ESRRB: variants seen among roughly 807,000 people sequenced by gnomAD.
ESRRB encodes estrogen related receptor beta.
ESRRB carries 16 observed loss-of-function variants against 46.0 expected under a neutral mutation model. That is an observed-to-expected ratio of 0.35 (90% CI 0.24 to 0.53). The LOEUF is 0.53. ESRRB is among the 20% of genes least tolerant of loss of function. ESRRB has a pLI of 0.93. For synonymous variants in ESRRB, 246 were observed against 259.6 expected (o/e 0.95, Z 0.50); for missense variants, 488 against 607.4 (o/e 0.80, Z 2.07).
At chr14:76,324,548 C>T (rs985789879) in intron 1 of ESRRB, among the ~76,000 whole-genome samples, 3 of 152,274 alleles carry the variant, frequency 2.0e-5, no homozygotes, top group Admixed American at 1.3e-4. Flanking sequence ...CATGAGCTTC[C>T]ATCTCTCTCC....
intron 3 of ESRRB, among the ~76,000 whole-genome samples, chr14:76,472,464 T>C (rs918908802): frequency 2.6e-5 from 4 of 152,214 alleles, no homozygotes; most frequent in Non-Finnish European, 4.4e-5. Flanking sequence ...GTCATGTATG[T>C]CTGTTTAGCT....
At chr14:76,495,569 T>G in intron 6 of ESRRB, 1 of 142,926 alleles carries the variant, frequency 7.0e-6, no homozygotes, top group African/African-American at 2.6e-5. Context: ...TTTTAAGTAA[T>G]GGTTTTCCAG....
rs931728130 is a variant in ESRRB at position 76,471,693 on chromosome 14, C to T, written c.577+9032C>T. ...TCTCAGAAAGGCCTCCCTATCCACT[C>T]TATTACTTGCTGTCATATCCCCTTG... On this transcript the variant is annotated intron_variant, in intron 3 of 6. Coordinates refer to ENST00000644823, the MANE Select transcript of ESRRB (RefSeq NM_001379180.1). Among the ~76,000 whole-genome samples, 4 of 152,236 alleles carry T rather than the reference C, an allele frequency of 2.6e-5. No individual in the cohort carries two copies. In the East Asian group the frequency reaches 7.7e-4, roughly 29 times the overall value.
intron 1 of ESRRB, among the ~76,000 whole-genome samples, chr14:76,383,099 G>C (rs1885078176): frequency 6.6e-6 from 1 of 152,070 alleles, no homozygotes; most frequent in Admixed American, 6.6e-5. Context: ...CCAATTATAG[G>C]GGCAGTCAGC....
At chr14:76,477,984 TG>T (rs1350977194) in intron 3 of ESRRB, among the ~76,000 whole-genome samples, 2 of 152,356 alleles carry the variant, frequency 1.3e-5, no homozygotes, top group East Asian at 3.8e-4. Flanking sequence ...TATATTTTTG[TG>T]GGTTAAGTAG....
intron 1 of ESRRB, among the ~76,000 whole-genome samples, chr14:76,354,219 TA>T (rs1295404584): frequency 3.7e-4 from 21 of 56,020 alleles, no homozygotes; most frequent in African/African-American, 2.3e-3. Context: ...CAGGGTCCTC[TA>T]CCCGCCCCCC....
intron 2 of ESRRB, among the ~76,000 whole-genome samples, chr14:76,447,555 G>A (rs1222371011): frequency 6.6e-6 from 1 of 151,892 alleles, no homozygotes. Flanking sequence ...TTTCCACTTG[G>A]ATGCCCCAGA....
intron 6 of ESRRB, among the ~76,000 whole-genome samples, chr14:76,497,334 T>C (rs1219517123): frequency 1.3e-5 from 2 of 152,096 alleles, no homozygotes; most frequent in Non-Finnish European, 2.9e-5. Context: ...CTACCTGACA[T>C]TGACCAGGTG....
Position 76,462,529 on chromosome 14 carries a change from C to T in ESRRB, c.461-16C>T. 1 of 1,605,322 alleles carries T rather than the reference C, an allele frequency of 6.2e-7. No homozygotes were observed. Among genetic ancestry groups the T allele is most frequent in the African/African-American group, 1.3e-5 (1 of 74,934 alleles). The stretch of plus-strand genomic sequence containing the variant: ...GGCGGCCAGCACCCGGCAACCCTCT[C>T]TGTGTCTGGTTGCAGGGAACATTGA... On this transcript the variant is annotated splice_polypyrimidine_tract_variant and intron_variant, in intron 2 of 6. Coordinates refer to ENST00000644823, the MANE Select transcript of ESRRB (RefSeq NM_001379180.1).
chr14:76,416,302 AT>A (rs1886697770), intron 1 of ESRRB, among the ~76,000 whole-genome samples: 1 of 151,776 alleles, frequency 6.6e-6, no homozygotes, highest in African/African-American at 2.4e-5. Context: ...CACCCAGCTA[AT>A]TTTGTATTTT....
chr14:76,367,129 G>A (rs1884531300), upstream of ESRRB, among the ~76,000 whole-genome samples: 1 of 152,124 alleles, frequency 6.6e-6, no homozygotes, highest in Non-Finnish European at 1.5e-5. Context: ...GGAGGTGGTG[G>A]CAAAAGGGAA....
chr14:76,389,131 A>G (rs1885365548), intron 1 of ESRRB, among the ~76,000 whole-genome samples: 2 of 152,154 alleles, frequency 1.3e-5, no homozygotes, highest in African/African-American at 2.4e-5. Context: ...TTACCTATGT[A>G]TACACCTCAG....
Position 76,500,771 on chromosome 14 carries a change from C to T in ESRRB, c.*2313C>T, listed in dbSNP as rs1890631997. 6.2e-7 allele frequency: 1 copy of T among 1,602,786 alleles called. No individual in the cohort carries two copies. The highest frequency in any genetic ancestry group is 8.5e-7 in the Non-Finnish European group (1 of 1,169,668). ...TTCTGCACACCAGGCAGCTGCACCT[C>T]ACTGGATCTAGTGTTGCTGCGAGTG... On this transcript the variant is annotated 3_prime_UTR_variant, in exon 7 of 7. Transcript: ENST00000644823.
intron 3 of ESRRB, among the ~76,000 whole-genome samples, chr14:76,465,012 C>T (rs1889045912): frequency 6.6e-6 from 1 of 152,060 alleles, no homozygotes; most frequent in Middle Eastern, 3.2e-3. Flanking sequence ...GATGTGAGAA[C>T]AGCAGGTCAA....
chr14:76,394,857 G>T (rs142192517), intron 1 of ESRRB, among the ~76,000 whole-genome samples: 1 of 152,212 alleles, frequency 6.6e-6, no homozygotes. Flanking sequence ...CAGGAGCCAC[G>T]CAGAGCCAGA....
intron 1 of ESRRB, among the ~76,000 whole-genome samples, chr14:76,325,447 GGT>G (rs1883918991): frequency 6.6e-6 from 1 of 152,102 alleles, no homozygotes; most frequent in African/African-American, 2.4e-5. Flanking sequence ...AAGGAGACGG[GGT>G]GTGTAAGGAA....
At chr14:76,464,143 CCTT>C (rs1334237359) in intron 3 of ESRRB, among the ~76,000 whole-genome samples, 16 of 152,286 alleles carry the variant, frequency 1.1e-4, no homozygotes, top group African/African-American at 3.4e-4. Flanking sequence ...GGCCTGGAAT[CCTT>C]CTAGAAGTGG....
chr14:76,385,160 T>C (rs74069861), intron 1 of ESRRB, among the ~76,000 whole-genome samples: 3,673 of 152,082 alleles, frequency 0.024, 154 homozygotes, highest in African/African-American at 0.084. Flanking sequence ...CTGTATTTTT[T>C]TTCCATCTCA....
At chr14:76,369,483 A>G (rs1884569251), upstream of ESRRB, among the ~76,000 whole-genome samples, 1 of 152,008 alleles carries the variant, frequency 6.6e-6, no homozygotes, top group Non-Finnish European at 1.5e-5. Context: ...CATGTTGCCC[A>G]GGGTGGTCTC....
Sources: gnomAD v4.1 joint callset for allele counts (sites outside exome capture counted in the v4.1 genomes callset) on GRCh38, gnomAD v4.1.1 for gene constraint, MANE v1.5 for transcripts, NCBI Gene and HGNC (gene_info 2026-07-23, HGNC 2026-07-21) for gene names.